COL18A1: variants seen among roughly 807,000 people sequenced by gnomAD.
COL18A1 encodes the protein collagen type XVIII alpha 1 chain, also known as collagen alpha-1(XVIII) chain.
In COL18A1, 133 loss-of-function variants were observed where a neutral mutation model predicts 168.0. The observed-to-expected ratio is 0.79, with a 90% CI of 0.69 to 0.91. The LOEUF (loss-of-function observed/expected upper bound fraction) is 0.91. Ranked by LOEUF, COL18A1 falls within the 40% of genes least tolerant of loss-of-function variation. The pLI is 0.00. For synonymous variants in COL18A1, 949 were observed against 809.0 expected (o/e 1.17, Z -2.94); for missense variants, 2,126 against 1,925.4 (o/e 1.10, Z -1.95).
intron 2 of COL18A1, among the ~76,000 whole-genome samples, chr21:45,416,313 C>T (rs2838910): frequency 0.67 from 101,531 of 152,084 alleles, 34,528 homozygotes; most frequent in East Asian, 0.84. Context: ...GCAGCACACA[C>T]AGTCTTGCCA....
chr21:45,474,562 G>A (rs2035570577), intron 4 of COL18A1, among the ~76,000 whole-genome samples: 1 of 152,158 alleles, frequency 6.6e-6, no homozygotes, highest in African/African-American at 2.4e-5. Context: ...CTCTGTGTCT[G>A]TGTCTGTGTG....
chr21:45,483,135 G>A (rs1053789423), intron 15 of COL18A1, among the ~76,000 whole-genome samples: 17 of 152,254 alleles, frequency 1.1e-4, no homozygotes, highest in African/African-American at 3.1e-4. Flanking sequence ...TGTGGCAAGC[G>A]CGATAAAGCA....
At chr21:45,453,175 GTGA>G (rs1569297061) in intron 2 of COL18A1, among the ~76,000 whole-genome samples, 3 of 151,794 alleles carry the variant, frequency 2.0e-5, no homozygotes, top group African/African-American at 7.3e-5. Flanking sequence ...GTATGTGTGT[GTGA>G]TTGTGTATGC....
chr21:45,492,680 T>C lies in COL18A1; in HGVS notation c.2188-7T>C. 6.2e-7 allele frequency: 1 copy of C among 1,611,358 alleles called. No individual in the cohort carries two copies. The highest frequency in any genetic ancestry group is 8.5e-7 in the Non-Finnish European group (1 of 1,179,396). On this transcript the variant is annotated splice_polypyrimidine_tract_variant and splice_region_variant and intron_variant, in intron 23 of 41. Transcript: ENST00000651438. ...GACCCCAGCTGACGCCGTCCCTCTT[T>C]CCCCAGGGCCGGCCGGGTTTCGCAG...
intron 15 of COL18A1, 40 bp downstream of exon 15, chr21:45,482,861 G>A: frequency 6.2e-7 from 1 of 1,614,072 alleles, no homozygotes; most frequent in South Asian, 1.1e-5. Flanking sequence ...CCCTGCCCCT[G>A]GTGCCCACTC....
At chr21:45,438,995 C>T (rs1476119194) in intron 2 of COL18A1, among the ~76,000 whole-genome samples, 1 of 152,174 alleles carries the variant, frequency 6.6e-6, no homozygotes, top group East Asian at 1.9e-4. Flanking sequence ...TAGGGACTTG[C>T]ATGGCAATTT....
chr21:45,504,660 G>GC (rs1359975247), intron 34 of COL18A1, 104 bp downstream of exon 34: 1 of 982,776 alleles, frequency 1.0e-6, no homozygotes, highest in Non-Finnish European at 1.5e-6. Flanking sequence ...GGCCGGAGCT[G>GC]CCCCTGCAAG....
intron 4 of COL18A1, 101 bp downstream of exon 4, chr21:45,474,082 T>C (rs2035544076): frequency 1.0e-5 from 9 of 883,180 alleles, no homozygotes; most frequent in Admixed American, 6.2e-5. Flanking sequence ...AATATACCAC[T>C]TGGGGCACTG....
chr21:45,467,190 GC>G (rs2035242303), intron 2 of COL18A1: 1 of 965,494 alleles, frequency 1.0e-6, no homozygotes, highest in South Asian at 4.8e-5. Context: ...AGTGGGTGCT[GC>G]CCCCCTCCCG....
chr21:45,479,851 C>T lies in COL18A1; in HGVS notation c.1249-51C>T, dbSNP rs373851150. The T allele has an allele frequency of 2.8e-5, 45 of 1,610,074 alleles. 1 individual carries two copies. Among genetic ancestry groups the T allele is most frequent in the Middle Eastern group, 1.8e-4 (1 of 5,444 alleles). ...GGAGGAGCACTGAGAGTGCTGGGTG[C>T]GGCCCATGGTGGTGCCTTCCCTGAC... On this transcript the variant is annotated intron_variant, in intron 9 of 41. Coordinates refer to ENST00000651438, the MANE Select transcript of COL18A1 (RefSeq NM_001379500.1).
At chr21:45,410,909 G>C (rs998452844) in intron 2 of COL18A1, among the ~76,000 whole-genome samples, 2 of 152,228 alleles carry the variant, frequency 1.3e-5, no homozygotes, top group East Asian at 3.8e-4. Context: ...CCTCTGATTC[G>C]GCTGCTCTGG....
At chr21:45,497,781 C>A in intron 32 of COL18A1, 120 bp downstream of exon 32, 1 of 1,375,712 alleles carries the variant, frequency 7.3e-7, no homozygotes, top group Non-Finnish European at 1.0e-6. Flanking sequence ...GTGACCACCT[C>A]ACCCTGCGGG....
chr21:45,446,514 A>C (rs1034196027), intron 2 of COL18A1, among the ~76,000 whole-genome samples: 1 of 152,244 alleles, frequency 6.6e-6, no homozygotes, highest in Non-Finnish European at 1.5e-5. Context: ...TTAGTAATCC[A>C]AAAACACCCA....
intron 2 of COL18A1, among the ~76,000 whole-genome samples, chr21:45,453,610 A>G (rs74473056): frequency 3.3e-5 from 5 of 152,152 alleles, no homozygotes; most frequent in African/African-American, 9.7e-5. Flanking sequence ...GGGAACCCCA[A>G]TGGTGGACAG....
At chr21:45,448,585 C>T (rs574753116) in intron 2 of COL18A1, among the ~76,000 whole-genome samples, 2 of 152,324 alleles carry the variant, frequency 1.3e-5, no homozygotes, top group Admixed American at 6.5e-5. Context: ...TGAGGTGAGC[C>T]GCAGCATCTC....
In COL18A1 at chr21:45,512,614, GC is replaced by G. The variant is rs2037677607; in HGVS notation, c.*220del. On this transcript the variant is annotated 3_prime_UTR_variant, in exon 42 of 42. Transcript: ENST00000651438. ...AGAAGCCTGATGCTGACATTCACCT[GC>G]CCCAACTCTCCCCTGACCTGTGAGC... is the stretch of plus-strand genomic sequence containing the variant. 1 of 604,058 alleles carries G rather than the reference GC, an allele frequency of 1.7e-6. No homozygotes were observed. Among genetic ancestry groups the G allele is most frequent in the Non-Finnish European group, 2.9e-6 (1 of 342,346 alleles). 37.4% of individuals were successfully genotyped at this position (604,058 alleles called of 1,614,324 possible). A position where few individuals can be genotyped will look rare whatever the true frequency, so the allele number is the denominator to read the frequency against.
At chr21:45,497,534 AG>A in intron 31 of COL18A1, 64 bp from the exon 32 acceptor site, 1 of 1,545,672 alleles carries the variant, frequency 6.5e-7, no homozygotes, top group Non-Finnish European at 8.7e-7. Context: ...TTCGGGCAGG[AG>A]GGGCACCACC....
chr21:45,422,075 T>C (rs1468355782), intron 2 of COL18A1, among the ~76,000 whole-genome samples: 2 of 151,560 alleles, frequency 1.3e-5, no homozygotes, highest in Non-Finnish European at 2.9e-5. Context: ...CAGGTTCACA[T>C]ATACACAGCT....
intron 2 of COL18A1, among the ~76,000 whole-genome samples, chr21:45,412,717 G>A (rs574452334): frequency 2.0e-5 from 3 of 152,248 alleles, no homozygotes; most frequent in Non-Finnish European, 4.4e-5. Context: ...GGGGCCGTGA[G>A]GGTCCTGCAA....
Sources: allele counts gnomAD v4.1 joint callset (sites outside exome capture counted in the v4.1 genomes callset), GRCh38; gene constraint gnomAD v4.1.1; transcripts MANE v1.5; gene names NCBI Gene and HGNC (gene_info 2026-07-23, HGNC 2026-07-21).